GPR143: variants seen among roughly 807,000 people sequenced by gnomAD.
GPR143 encodes the protein G-protein coupled receptor 143.
Under a neutral mutation model 27.6 loss-of-function variants are expected in GPR143, and 8 were observed. The ratio of observed to expected loss-of-function variants is 0.29; its 90% CI spans 0.17 to 0.52. The LOEUF (loss-of-function observed/expected upper bound fraction) is 0.52, where lower values mean the gene tolerates loss of function less well. GPR143 is among the 20% of genes least tolerant of loss of function. The pLI is 0.96. For missense variants in GPR143, 303 were observed against 343.1 expected, an observed-to-expected ratio of 0.88 and a Z score of 0.92; for synonymous variants, 156 against 153.2, an observed-to-expected ratio of 1.02 and a Z score of -0.13.
intron 4 of GPR143, among the ~76,000 whole-genome samples, chrX:9,747,180 G>A (rs1401432428): frequency 2.7e-5 from 3 of 110,349 alleles, no homozygotes; most frequent in South Asian, 3.9e-4. Context: ...AGGCTTGAAA[G>A]GAGAAAGAGA....
chrX:9,743,728 G>A (rs753390386), intron 5 of GPR143, 55 bp from the exon 6 acceptor site: 265 of 743,713 alleles, frequency 3.6e-4, no homozygotes, highest in Middle Eastern at 2.3e-3. Context: ...TTTACGGAGT[G>A]ACAGAGAAGG....
upstream of GPR143, among the ~76,000 whole-genome samples, chrX:9,766,758 G>A (rs1361174376): frequency 2.7e-5 from 3 of 109,904 alleles, no homozygotes; most frequent in African/African-American, 9.9e-5. Flanking sequence ...TTAGCTGGAT[G>A]TGGTGGGGCG....
intron 8 of GPR143, among the ~76,000 whole-genome samples, chrX:9,732,044 AAAGAT>A (rs2083356850): frequency 8.9e-6 from 1 of 112,293 alleles, no homozygotes; most frequent in African/African-American, 3.2e-5. Context: ...GAGATCTGTG[AAAGAT>A]AAGAATAAAA....
At position 9,728,182 on chromosome X, in the gene GPR143, A is replaced by AT. The variant is rs1356695338; in HGVS notation, c.1121-2343dup. 5.4e-5 allele frequency among the ~76,000 whole-genome samples: 6 copies of AT among 111,278 alleles called. No individual in the cohort carries two copies. In the East Asian group the frequency reaches 1.7e-3, roughly 32 times the overall value. ...GGACAGGGAATGTGTCTTGGTCACCATAGTGTACCTAATGCCCCAGACAAC... is the reference window on the plus strand; with the variant it reads ...GGACAGGGAATGTGTCTTGGTCACCATTAGTGTACCTAATGCCCCAGACAAC... On this transcript the variant is annotated intron_variant, in intron 8 of 8. Transcript: ENST00000467482.
chrX:9,770,293 G>C (rs988055035), upstream of GPR143, among the ~76,000 whole-genome samples: 1 of 103,876 alleles, frequency 9.6e-6, no homozygotes, highest in Non-Finnish European at 1.9e-5. Flanking sequence ...CTGGGCGACA[G>C]AGCAAGAACA....
intron 3 of GPR143, among the ~76,000 whole-genome samples, chrX:9,754,104 G>A (rs1186073662): frequency 9.0e-6 from 1 of 111,017 alleles, no homozygotes; most frequent in East Asian, 2.8e-4. Context: ...AGCTCCATGG[G>A]ATGCATGGCT....
intron 1 of GPR143, among the ~76,000 whole-genome samples, chrX:9,771,193 G>C (rs1161475196): frequency 9.0e-6 from 1 of 110,972 alleles, no homozygotes; most frequent in Non-Finnish European, 1.9e-5. Context: ...TGAGTAGCTG[G>C]GACCACAGGC....
intron 1 of GPR143, among the ~76,000 whole-genome samples, chrX:9,773,463 TG>T (rs2083560824): frequency 1.0e-5 from 1 of 100,153 alleles, no homozygotes; most frequent in Non-Finnish European, 2.0e-5. Context: ...CTGCTCTCTT[TG>T]GAGTGGCTTT....
chrX:9,775,866 A>T (rs2083569434), intron 1 of GPR143, among the ~76,000 whole-genome samples: 1 of 112,246 alleles, frequency 8.9e-6, no homozygotes, highest in African/African-American at 3.2e-5. Context: ...AGACATGCCT[A>T]TACACATATT....
intron 1 of GPR143, among the ~76,000 whole-genome samples, chrX:9,764,738 C>A (rs1384929284): frequency 9.0e-6 from 1 of 111,618 alleles, no homozygotes; most frequent in East Asian, 2.8e-4. Context: ...TGCAAAACTA[C>A]CTAGTCGGCC....
chrX:9,774,906 C>A (rs930459849), intron 1 of GPR143, among the ~76,000 whole-genome samples: 15 of 110,960 alleles, frequency 1.4e-4, no homozygotes, highest in African/African-American at 4.6e-4. Context: ...CTCTGTTGCC[C>A]AAGCTGGAGT....
At chrX:9,734,153 G>A (rs2042516627) in intron 8 of GPR143, among the ~76,000 whole-genome samples, 1 of 110,110 alleles carries the variant, frequency 9.1e-6, no homozygotes. Context: ...AAAATAGAAT[G>A]GAGAATTGTG....
At chrX:9,767,966 G>A (rs142114811), upstream of GPR143, among the ~76,000 whole-genome samples, 918 of 111,537 alleles carry the variant, frequency 8.2e-3, 7 homozygotes, top group Non-Finnish European at 0.015. Flanking sequence ...TTGAGTCACT[G>A]TTTCATGCCC....
At chrX:9,762,341 G>C (rs2083506447) in intron 1 of GPR143, among the ~76,000 whole-genome samples, 1 of 109,860 alleles carries the variant, frequency 9.1e-6, no homozygotes, top group African/African-American at 3.3e-5. Context: ...AGTGAGCCAA[G>C]ACTGTACCAC....
intron 1 of GPR143, among the ~76,000 whole-genome samples, chrX:9,762,658 G>A (rs1447824030): frequency 1.8e-5 from 2 of 111,615 alleles, no homozygotes; most frequent in African/African-American, 6.5e-5. Flanking sequence ...CGACAACTGT[G>A]AACACTAAAA....
chrX:9,726,142 C>CCT (rs2083326408), intron 8 of GPR143, among the ~76,000 whole-genome samples: 2 of 110,824 alleles, frequency 1.8e-5, no homozygotes, highest in African/African-American at 6.6e-5. Context: ...GCAGGTGACA[C>CCT]AACTGTTGGT....
Position 9,760,724 on chromosome X carries a change from C to T in GPR143, c.353G>A (p.Gly118Glu), listed in dbSNP as rs62635031. 1 of 1,156,542 alleles carries T rather than the reference C, an allele frequency of 8.6e-7. No individual in the cohort carries two copies. The highest frequency in any genetic ancestry group is 1.2e-6 in the Non-Finnish European group (1 of 848,467). ...CAGAGGGGGTGGACTCACCGCACTCCCCACGCAGAAAGCAGCAGGCCAAAT... is the reference window on the plus strand; with the variant it reads ...CAGAGGGGGTGGACTCACCGCACTCTCCACGCAGAAAGCAGCAGGCCAAAT... ...TEIWPAAFCV[G>E]SAMWIQLLYS... is the part of the protein sequence containing the mutation. The change falls in exon 2 of 9, where the codon GGG (glycine) becomes GAG (glutamate). Residue 118 changes from glycine (G) to glutamate (E), a missense_variant. Physicochemically the swap from Gly to Glu is moderately conservative, Grantham distance 98. Transcript: ENST00000467482.
chrX:9,758,442 C>T (rs768587860), intron 3 of GPR143, among the ~76,000 whole-genome samples: 1 of 111,755 alleles, frequency 8.9e-6, no homozygotes, highest in South Asian at 3.8e-4. Context: ...ACACAGCTCA[C>T]GAGTGACTGG....
At chrX:9,775,368 A>G (rs952143882) in intron 1 of GPR143, among the ~76,000 whole-genome samples, 3 of 112,154 alleles carry the variant, frequency 2.7e-5, no homozygotes, top group African/African-American at 9.7e-5. Flanking sequence ...GCATGGGAAG[A>G]GAGGTGAACA....
Sources: gnomAD v4.1 joint callset for allele counts (sites outside exome capture counted in the v4.1 genomes callset) on GRCh38, gnomAD v4.1.1 for gene constraint, MANE v1.5 for transcripts, NCBI Gene and HGNC (gene_info 2026-07-23, HGNC 2026-07-21) for gene names.